Variants in TEX2 observed in about 807,000 individuals in gnomAD.
TEX2 encodes the protein testis expressed 2.
In TEX2, 53 loss-of-function variants were observed where a neutral mutation model predicts 106.9. That is an observed-to-expected ratio of 0.50 (90% CI 0.40 to 0.62). The LOEUF (loss-of-function observed/expected upper bound fraction) is 0.62. Ranked by LOEUF, TEX2 falls within the 20% of genes least tolerant of loss-of-function variation. The pLI is 0.00. For missense variants in TEX2, 1,207 were observed against 1,379.0 expected, an observed-to-expected ratio of 0.88 and a Z score of 1.98; for synonymous variants, 523 against 534.8, an observed-to-expected ratio of 0.98 and a Z score of 0.30.
At chr17:64,263,042 C>A (rs1470857399) in intron 1 of TEX2, 126 bp downstream of exon 1, 1 of 152,194 alleles carries the variant, frequency 6.6e-6, no homozygotes, top group East Asian at 1.9e-4. Context: ...GGCCGAGCCC[C>A]GCCACGCCAA....
intron 5 of TEX2, among the ~76,000 whole-genome samples, chr17:64,183,073 T>G (rs1422739095): frequency 2.0e-5 from 3 of 152,040 alleles, no homozygotes; most frequent in East Asian, 3.9e-4. Flanking sequence ...GCCCGGCTAA[T>G]TTTTGTCTTT....
intron 5 of TEX2, among the ~76,000 whole-genome samples, chr17:64,181,801 C>A (rs2031877178): frequency 6.7e-6 from 1 of 149,658 alleles, no homozygotes. Context: ...CAGGTGTGAG[C>A]CACCATGCCC....
In TEX2 at chr17:64,152,951, C is replaced by T. The variant is rs984263684; in HGVS notation, c.3134G>A (p.Arg1045Gln). Residue 1045 changes from arginine (R) to glutamine (Q), a missense_variant, in exon 10 of 12, where the codon CGA becomes CAA. By Grantham distance (43) the Arg-to-Gln change is conservative. This residue lies in a region of TEX2 where 63 missense variants were observed against 112.2 expected (regional missense o/e 0.56). Transcript: ENST00000584379. Reference protein sequence around the residue: ...AVNIPPPPTDRVWYGFRKPPH... With the variant: ...AVNIPPPPTDQVWYGFRKPPH... ...CTGAGGGCCCTCTACGCACCATACTCGGTCAGTCGGGGGTGGTGGAATGTT... is the reference window on the plus strand; with the variant it reads ...CTGAGGGCCCTCTACGCACCATACTTGGTCAGTCGGGGGTGGTGGAATGTT... 3 of 1,613,952 alleles carry T rather than the reference C, an allele frequency of 1.9e-6. No homozygotes were observed. Among genetic ancestry groups the T allele is most frequent in the Non-Finnish European group, 2.5e-6 (3 of 1,179,958 alleles).
intron 1 of TEX2, among the ~76,000 whole-genome samples, chr17:64,247,824 C>A (rs1016890762): frequency 6.6e-6 from 1 of 152,184 alleles, no homozygotes; most frequent in Admixed American, 6.5e-5. Flanking sequence ...TATACATACA[C>A]AAATATCCTC....
intron 5 of TEX2, among the ~76,000 whole-genome samples, chr17:64,182,169 T>TAA (rs1284764170): frequency 2.0e-5 from 3 of 152,146 alleles, no homozygotes; most frequent in African/African-American, 7.2e-5. Flanking sequence ...GATTCTGACT[T>TAA]ACGCTACCAC....
In TEX2 at chr17:64,216,576, G is replaced by A. The variant is rs550907204; in HGVS notation, c.-25-2334C>T. 7.2e-5 allele frequency among the ~76,000 whole-genome samples: 11 copies of A among 152,278 alleles called. No homozygotes were observed. In the South Asian group the frequency reaches 2.1e-3, roughly 29 times the overall value. On this transcript the variant is annotated intron_variant, in intron 1 of 11. Coordinates refer to ENST00000584379, the MANE Select transcript of TEX2 (RefSeq NM_001288732.2). Reference sequence around the variant, plus strand: ...AACCAAGGCAAGAGTGGAGAGGCCCGTCTGCAGTTGAGGATAAGAAGGCCT... The same window carrying A: ...AACCAAGGCAAGAGTGGAGAGGCCCATCTGCAGTTGAGGATAAGAAGGCCT...
intron 8 of TEX2, among the ~76,000 whole-genome samples, chr17:64,160,287 AAG>A (rs565019014): frequency 9.2e-5 from 14 of 152,212 alleles, no homozygotes; most frequent in Non-Finnish European, 1.6e-4. Context: ...ACTATCTACA[AAG>A]AGAGGGATTT....
intron 1 of TEX2, among the ~76,000 whole-genome samples, chr17:64,261,013 GGT>G (rs2034279013): frequency 6.6e-6 from 1 of 152,164 alleles, no homozygotes; most frequent in Non-Finnish European, 1.5e-5. Context: ...ACAGAAAACT[GGT>G]CTTTGAAGAT....
chr17:64,155,294 C>CCT (rs1203022691), intron 8 of TEX2: 1 of 222,954 alleles, frequency 4.5e-6, no homozygotes, highest in Non-Finnish European at 8.7e-6. Context: ...GCAGTGATTT[C>CCT]AACCAGCAGT....
chr17:64,243,040 T>C (rs908866313), intron 1 of TEX2, among the ~76,000 whole-genome samples: 1 of 152,074 alleles, frequency 6.6e-6, no homozygotes, highest in East Asian at 1.9e-4. Context: ...GCGATTCTTC[T>C]GCCTCCGCCT....
intron 9 of TEX2, among the ~76,000 whole-genome samples, chr17:64,154,545 G>T (rs191627393): frequency 2.0e-4 from 30 of 152,218 alleles, no homozygotes; most frequent in Non-Finnish European, 4.1e-4. Flanking sequence ...GTGTATGCTC[G>T]GTTCCTTCTG....
At chr17:64,160,502 TCGGATGAGTCTGCCCTG>T (rs2030834058) in intron 8 of TEX2, among the ~76,000 whole-genome samples, 1 of 152,164 alleles carries the variant, frequency 6.6e-6, no homozygotes, top group South Asian at 2.1e-4. Flanking sequence ...ATTTTATTGC[TCGGATGAGTCTGCCCTG>T]CTTGTCTGAG....
chr17:64,179,147 T>C (rs1279737250), intron 5 of TEX2, among the ~76,000 whole-genome samples: 3 of 152,154 alleles, frequency 2.0e-5, no homozygotes, highest in Non-Finnish European at 4.4e-5. Context: ...TACAAGAGGA[T>C]TGTAAAATGC....
chr17:64,233,763 A>C (rs144937622), intron 1 of TEX2, among the ~76,000 whole-genome samples: 24 of 152,318 alleles, frequency 1.6e-4, no homozygotes, highest in African/African-American at 5.8e-4. Flanking sequence ...GTGTAACTAC[A>C]TCAAAGAAGG....
intron 2 of TEX2, among the ~76,000 whole-genome samples, chr17:64,207,265 C>G (rs2144002505): frequency 6.6e-6 from 1 of 152,286 alleles, no homozygotes; most frequent in Admixed American, 6.5e-5. Flanking sequence ...GGTTCAAAAC[C>G]ACATGGTCTC....
intron 8 of TEX2, among the ~76,000 whole-genome samples, chr17:64,158,720 G>A (rs1726572290): frequency 1.3e-5 from 2 of 152,256 alleles, no homozygotes; most frequent in East Asian, 1.9e-4. Flanking sequence ...GCCAAATGGT[G>A]CATGTGGAAG....
In TEX2 at chr17:64,157,171, T is replaced by C. The variant is rs569950700; in HGVS notation, c.2805-2204A>G. On this transcript the variant is annotated intron_variant, in intron 8 of 11. Coordinates refer to ENST00000584379, the MANE Select transcript of TEX2 (RefSeq NM_001288732.2). ...TTTTTATAAATGAACATGCATTTTA[T>C]GACCTCAGCATGAACTTCAGAGGAA... is the stretch of plus-strand genomic sequence containing the variant. Among the ~76,000 whole-genome samples the C allele has an allele frequency of 1.2e-4, 18 of 152,356 alleles. No homozygotes were observed. The South Asian group carries it at 3.3e-3, about 28-fold the overall frequency.
chr17:64,160,713 C>T (rs2030842465), intron 8 of TEX2, 88 bp downstream of exon 8: 10 of 1,499,210 alleles, frequency 6.7e-6, no homozygotes, highest in Non-Finnish European at 7.3e-6. Flanking sequence ...ATCCAGGGGC[C>T]ACTACACATC....
rs769579384 is a variant in TEX2, at chr17:64,188,244, C to T, written c.2348G>A (p.Cys783Tyr). Reference protein sequence around the residue: ...LLDYSVYMGRCVPQESRSPQR... With the variant: ...LLDYSVYMGRYVPQESRSPQR... ...GGGGCTTCGGCTTTCCTGGGGGACA[C>T]ACCTGCCCATGTACACGCTGTAGTC... The change falls in exon 5 of 12, where the codon TGT becomes TAT. Residue 783 changes from cysteine to tyrosine, a missense_variant. Physicochemically the swap from Cys to Tyr is radical, Grantham distance 194. Coordinates refer to ENST00000584379, the MANE Select transcript of TEX2 (RefSeq NM_001288732.2). 1 of 1,613,820 alleles carries T rather than the reference C, an allele frequency of 6.2e-7. No individual in the cohort carries two copies. The highest frequency in any genetic ancestry group is 1.1e-5 in the South Asian group (1 of 91,058).
Sources: allele counts gnomAD v4.1 joint callset (sites outside exome capture counted in the v4.1 genomes callset), GRCh38; gene constraint gnomAD v4.1.1; regional missense constraint gnomAD v4.1.1; transcripts MANE v1.5; gene names NCBI Gene and HGNC (gene_info 2026-07-23, HGNC 2026-07-21).